The following BCAR3 variants were observed in gnomAD, a reference collection of about 807,000 sequenced individuals.
The protein encoded by BCAR3 is BCAR3 adaptor protein, NSP family member, also known as breast cancer anti-estrogen resistance protein 3.
A neutral mutation model predicts 80.1 loss-of-function variants in BCAR3; 37 were observed. The ratio of observed to expected loss-of-function variants is 0.46; its 90% CI spans 0.36 to 0.61. The LOEUF is 0.61. BCAR3 is among the 20% of genes least tolerant of loss of function. The pLI, the probability that BCAR3 is intolerant of heterozygous loss-of-function variation, is 0.00. For synonymous variants in BCAR3, 389 were observed against 418.9 expected (o/e 0.93, Z 0.87); for missense variants, 978 against 1,068.2 (o/e 0.92, Z 1.18).
intron 2 of BCAR3, among the ~76,000 whole-genome samples, chr1:93,718,688 C>CTTT (rs71094259): frequency 1.6e-4 from 12 of 77,054 alleles, no homozygotes; most frequent in East Asian, 4.1e-4. Context: ...CATTGTTTTT[C>CTTT]TTTTTTTTTT....
At chr1:93,617,774 A>G (rs1675173920) in intron 3 of BCAR3, among the ~76,000 whole-genome samples, 1 of 152,124 alleles carries the variant, frequency 6.6e-6, no homozygotes, top group African/African-American at 2.4e-5. Flanking sequence ...GAAGTAGGCA[A>G]TGATTAGCCT....
At chr1:93,738,574 T>C (rs1651071911) in intron 2 of BCAR3, among the ~76,000 whole-genome samples, 1 of 152,228 alleles carries the variant, frequency 6.6e-6, no homozygotes, top group African/African-American at 2.4e-5. Flanking sequence ...CGCCTGGCAC[T>C]GGCATCTTCC....
rs375150823 is a variant in BCAR3, at chr1:93,592,270, G to A, written c.481C>T (p.Arg161Ter). ...SHAWYHGRIP[R>*]QVSENLVQRD... ...GAAGGGACAAGACCAGGTACCTGTCGGGGGATGCGGCCGTGGTACCAGGCA... is the reference window on the plus strand; with the variant it reads ...GAAGGGACAAGACCAGGTACCTGTCAGGGGATGCGGCCGTGGTACCAGGCA... The change falls in exon 4 of 12, where the codon CGA becomes TGA. Residue 161 changes from arginine (R) to a stop codon, truncating the protein, a stop_gained. Transcript: ENST00000260502. LOFTEE classifies it high-confidence loss of function. This position sits in a 1 kb window ranked among gnomAD's most constrained non-coding sequence, Gnocchi z 4.8. The A allele has an allele frequency of 1.1e-5, 18 of 1,613,342 alleles. No individual in the cohort carries two copies. The highest frequency in any genetic ancestry group is 1.4e-5 in the Non-Finnish European group (16 of 1,179,994).
chr1:93,592,568 C>T lies in BCAR3; in HGVS notation c.358-175G>A, dbSNP rs1215645847. 7.2e-6 allele frequency: 6 copies of T among 837,442 alleles called. No individual in the cohort carries two copies. The Admixed American group carries it at 2.0e-4, about 28-fold the overall frequency. 51.9% of individuals were successfully genotyped at this position (837,442 alleles called of 1,614,324 possible). A position where few individuals can be genotyped will look rare whatever the true frequency, so the allele number is the denominator to read the frequency against. The stretch of plus-strand genomic sequence containing the variant: ...TGACCTTTCGTTTCTCCGGCCGCAA[C>T]CATGTAATAAAATTTTCACCTGCAC... On this transcript the variant is annotated intron_variant, in intron 3 of 11. Coordinates refer to ENST00000260502, the MANE Select transcript of BCAR3 (RefSeq NM_003567.4). This position sits in a 1 kb window ranked among gnomAD's most constrained non-coding sequence, Gnocchi z 4.8.
At chr1:93,675,428 C>G (rs945856462) in intron 1 of BCAR3, among the ~76,000 whole-genome samples, 1 of 152,180 alleles carries the variant, frequency 6.6e-6, no homozygotes, top group South Asian at 2.1e-4. Context: ...CAGGATGGGA[C>G]AGAATTTTTC....
At chr1:93,579,040 C>T (rs236316) in intron 7 of BCAR3, among the ~76,000 whole-genome samples, 65,558 of 152,000 alleles carry the variant, frequency 0.43, 15,932 homozygotes, top group Middle Eastern at 0.54. Flanking sequence ...TAGGCAAAGA[C>T]CTTGCGCACG....
At chr1:93,800,355 C>T (rs1210944016) in intron 2 of BCAR3, among the ~76,000 whole-genome samples, 2 of 152,096 alleles carry the variant, frequency 1.3e-5, no homozygotes, top group East Asian at 1.9e-4. Flanking sequence ...GGGCAGATCC[C>T]TTGAGGTCAG....
intron 2 of BCAR3, among the ~76,000 whole-genome samples, chr1:93,838,606 A>G (rs114901688): frequency 1.5e-3 from 234 of 152,346 alleles, no homozygotes; most frequent in African/African-American, 5.3e-3. Context: ...GATACTAAGT[A>G]GCCCTCCCCT....
intron 6 of BCAR3, among the ~76,000 whole-genome samples, chr1:93,583,646 G>T (rs1673819316): frequency 6.6e-6 from 1 of 152,092 alleles, no homozygotes. Context: ...CCGCCCACCC[G>T]GGAAAAGGGA....
rs187351501 is a variant in BCAR3 at position 93,831,908 on chromosome 1, T to C, written c.-63+13659A>G. 1.4e-3 allele frequency among the ~76,000 whole-genome samples: 207 copies of C among 152,342 alleles called. 2 individuals carry two copies. Among genetic ancestry groups the C allele is most frequent in the African/African-American group, 4.7e-3 (195 of 41,570 alleles). On this transcript the variant is annotated intron_variant, in intron 2 of 13. Transcript: ENST00000370244. The stretch of plus-strand genomic sequence containing the variant: ...AGCCAAGGTTAATGCTCCTTTTACT[T>C]TATCTGACCTCTCCCAAATAAGTTA...
At chr1:93,574,902 C>G (rs1292366613) in intron 8 of BCAR3, among the ~76,000 whole-genome samples, 1 of 152,208 alleles carries the variant, frequency 6.6e-6, no homozygotes, top group Non-Finnish European at 1.5e-5. Context: ...TCACCTCCAT[C>G]CTCCCACATG....
intron 3 of BCAR3, among the ~76,000 whole-genome samples, chr1:93,601,032 G>A (rs1363325929): frequency 6.6e-6 from 1 of 152,142 alleles, no homozygotes; most frequent in African/African-American, 2.4e-5. Context: ...TCAAGAACAA[G>A]TGACCTTGGG....
In BCAR3 at chr1:93,629,499, C is replaced by A. The variant is rs146243959; in HGVS notation, c.357+12805G>T. ...TAATTCTAATAATAAAATTCCTTGA[C>A]AATTTAAATCTGCATTTTCATGTAT... On this transcript the variant is annotated intron_variant, in intron 3 of 11. Coordinates refer to ENST00000260502, the MANE Select transcript of BCAR3 (RefSeq NM_003567.4). 5.9e-5 allele frequency among the ~76,000 whole-genome samples: 9 copies of A among 152,332 alleles called. No individual in the cohort carries two copies. The South Asian group carries it at 1.0e-3, about 18-fold the overall frequency.
At chr1:93,611,177 T>G (rs1159072312) in intron 3 of BCAR3, among the ~76,000 whole-genome samples, 2 of 152,212 alleles carry the variant, frequency 1.3e-5, no homozygotes, top group Admixed American at 1.3e-4. Flanking sequence ...CTCATACATT[T>G]GAAAGTCTTT....
At chr1:93,847,025 CG>C in intron 1 of BCAR3, 1 of 147,344 alleles carries the variant, frequency 6.8e-6, no homozygotes, top group Non-Finnish European at 1.3e-5. Flanking sequence ...GCGCGGCGGC[CG>C]GGCGCGAGGG....
intron 3 of BCAR3, among the ~76,000 whole-genome samples, chr1:93,618,820 A>C (rs1313440584): frequency 1.3e-5 from 2 of 152,216 alleles, no homozygotes; most frequent in Non-Finnish European, 2.9e-5. Context: ...TCTAGAGCAA[A>C]AGACACATAC....
intron 2 of BCAR3, among the ~76,000 whole-genome samples, chr1:93,763,564 A>C (rs777604609): frequency 3.9e-5 from 6 of 152,202 alleles, no homozygotes; most frequent in Non-Finnish European, 8.8e-5. Context: ...ATTTGAACTC[A>C]AGCCTCCAGG....
rs1553171404 is a variant in BCAR3 at position 93,777,413 on chromosome 1, C to CCTCCTT, written c.-63+68153_-63+68154insAAGGAG. Among the ~76,000 whole-genome samples the CCTCCTT allele has an allele frequency of 4.1e-3, 589 of 143,316 alleles. 9 individuals carry two copies. Among genetic ancestry groups the CCTCCTT allele is most frequent in the African/African-American group, 0.015 (536 of 36,046 alleles). 94.0% of individuals were successfully genotyped at this position (143,316 alleles called of 152,430 possible). On this transcript the variant is annotated intron_variant, in intron 2 of 13. Coordinates refer to the BCAR3 transcript ENST00000370244. ...TCCTCTTCTTCCTCTTCCTCCTCCTCTTCCTCCTCCTCTTCCTCCTCCTCC... is the reference window on the plus strand; with the variant it reads ...TCCTCTTCTTCCTCTTCCTCCTCCTCCTCCTTTTCCTCCTCCTCTTCCTCCTCCTCC...
At chr1:93,585,431 C>T (rs544329251) in intron 5 of BCAR3, among the ~76,000 whole-genome samples, 3 of 150,118 alleles carry the variant, frequency 2.0e-5, no homozygotes, top group African/African-American at 7.5e-5. Context: ...TTAGGCCTGA[C>T]TTGTTGACTT....
Sources: gnomAD v4.1 joint callset for allele counts (sites outside exome capture counted in the v4.1 genomes callset) on GRCh38, gnomAD v4.1.1 for gene constraint, Gnocchi (gnomAD v3.1) non-coding constraint, MANE v1.5 for transcripts, NCBI Gene and HGNC (gene_info 2026-07-23, HGNC 2026-07-21) for gene names.